RABGAP1L: variants seen among roughly 807,000 people sequenced by gnomAD.
RABGAP1L encodes the protein rab GTPase-activating protein 1-like.
A neutral mutation model predicts 137.7 loss-of-function variants in RABGAP1L; 63 were observed. The ratio of observed to expected loss-of-function variants is 0.46; its 90% confidence interval spans 0.37 to 0.56. RABGAP1L has a LOEUF of 0.56. Among genes scored for constraint, RABGAP1L ranks in the 20% least tolerant of loss-of-function variants. RABGAP1L has a pLI of 0.00. For synonymous variants in RABGAP1L, 431 were observed against 433.7 expected (o/e 0.99, Z 0.08); for missense variants, 1,095 against 1,244.0 (o/e 0.88, Z 1.80).
At chr1:174,217,833 G>A (rs1325521311) in intron 1 of RABGAP1L, among the ~76,000 whole-genome samples, 1 of 152,032 alleles carries the variant, frequency 6.6e-6, no homozygotes, top group Non-Finnish European at 1.5e-5. Flanking sequence ...CTTTTTAAAA[G>A]ATACACATGT....
chr1:174,503,595 A>T (rs1661528998), intron 13 of RABGAP1L, among the ~76,000 whole-genome samples: 1 of 140,430 alleles, frequency 7.1e-6, no homozygotes, highest in East Asian at 2.5e-4. Context: ...CGGGAGGCGG[A>T]GGTTGCTCTG....
chr1:174,452,559 T>TTTTGTTTG (rs3058900), intron 13 of RABGAP1L, among the ~76,000 whole-genome samples: 6 of 150,818 alleles, frequency 4.0e-5, no homozygotes, highest in Admixed American at 2.6e-4. Context: ...TTGTTTTGTT[T>TTTTGTTTG]TTTGTTTGTT....
At chr1:174,555,540 CA>C (rs141399978) in intron 13 of RABGAP1L, among the ~76,000 whole-genome samples, 9,045 of 151,358 alleles carry the variant, frequency 0.06, 952 homozygotes, top group African/African-American at 0.21. Context: ...GTCCCCCCCC[CA>C]AAAAAAATGT....
At chr1:174,471,181 CATACTT>C (rs1657894963) in intron 13 of RABGAP1L, among the ~76,000 whole-genome samples, 1 of 152,186 alleles carries the variant, frequency 6.6e-6, no homozygotes, top group African/African-American at 2.4e-5. Flanking sequence ...TGAGTTCAGT[CATACTT>C]ATTACTTACC....
At chr1:174,740,512 A>T (rs1043553317) in intron 17 of RABGAP1L, among the ~76,000 whole-genome samples, 2 of 152,004 alleles carry the variant, frequency 1.3e-5, no homozygotes, top group East Asian at 1.9e-4. Flanking sequence ...ATTACATACC[A>T]CTTCTTGAGT....
chr1:174,355,716 G>T (rs1376768805), intron 11 of RABGAP1L, among the ~76,000 whole-genome samples: 1 of 151,968 alleles, frequency 6.6e-6, no homozygotes, highest in African/African-American at 2.4e-5. Flanking sequence ...ATTTTTGACG[G>T]GTTTCAATGA....
intron 1 of RABGAP1L, among the ~76,000 whole-genome samples, chr1:174,167,538 A>G (rs1438728859): frequency 1.3e-5 from 2 of 152,202 alleles, no homozygotes; most frequent in East Asian, 1.9e-4. Flanking sequence ...AAGTAATGCA[A>G]ACCCAAAGGG....
At chr1:174,633,448 G>A (rs1017042334) in intron 13 of RABGAP1L, among the ~76,000 whole-genome samples, 2 of 151,312 alleles carry the variant, frequency 1.3e-5, no homozygotes, top group Non-Finnish European at 2.9e-5. Flanking sequence ...CGTGAAAATG[G>A]CCATACTGCC....
intron 11 of RABGAP1L, among the ~76,000 whole-genome samples, chr1:174,307,470 C>T (rs1368724053): frequency 6.6e-6 from 1 of 152,122 alleles, no homozygotes; most frequent in Non-Finnish European, 1.5e-5. Flanking sequence ...TCTCCCCTTT[C>T]CCTTCCCCCT....
chr1:174,394,429 T>G (rs1159480257), intron 13 of RABGAP1L, among the ~76,000 whole-genome samples: 2 of 152,184 alleles, frequency 1.3e-5, no homozygotes, highest in Non-Finnish European at 2.9e-5. Flanking sequence ...GTTTTCTAAC[T>G]TTTCAATTAA....
At chr1:174,810,634 A>C (rs1689776566) in intron 18 of RABGAP1L, among the ~76,000 whole-genome samples, 3 of 152,212 alleles carry the variant, frequency 2.0e-5, no homozygotes, top group Admixed American at 2.0e-4. Context: ...TTGACTATTA[A>C]GTACTGACTG....
At chr1:174,744,090 TAA>T (rs10694829) in intron 17 of RABGAP1L, among the ~76,000 whole-genome samples, 3,713 of 44,936 alleles carry the variant, frequency 0.083, 124 homozygotes, top group African/African-American at 0.21. Flanking sequence ...GTGAAATACG[TAA>T]AAAAAAAAAA....
chr1:174,822,974 T>C (rs1212267090), intron 19 of RABGAP1L, among the ~76,000 whole-genome samples: 1 of 152,190 alleles, frequency 6.6e-6, no homozygotes, highest in African/African-American at 2.4e-5. Flanking sequence ...TAAAAATTGA[T>C]TTATATTTGG....
intron 13 of RABGAP1L, among the ~76,000 whole-genome samples, chr1:174,424,599 CTA>C (rs1651735866): frequency 6.6e-6 from 1 of 151,996 alleles, no homozygotes; most frequent in African/African-American, 2.4e-5. Context: ...TGAAAAGGTG[CTA>C]GAAGAAGGTG....
chr1:174,178,844 CAAGGG>C (rs1202703955), intron 1 of RABGAP1L, among the ~76,000 whole-genome samples: 1 of 151,942 alleles, frequency 6.6e-6, no homozygotes, highest in Non-Finnish European at 1.5e-5. Flanking sequence ...GGTTGGGAGG[CAAGGG>C]AAGGGAGAGC....
At position 174,813,464 on chromosome 1, in the gene RABGAP1L, C is replaced by T. The variant is rs1386193337; in HGVS notation, c.2340+1504C>T. Among the ~76,000 whole-genome samples, 5 of 152,274 alleles carry T rather than the reference C, an allele frequency of 3.3e-5. No homozygotes were observed. In the East Asian group the frequency reaches 5.8e-4, roughly 18 times the overall value. On this transcript the variant is annotated intron_variant, in intron 19 of 25. Coordinates refer to ENST00000681986, the MANE Select transcript of RABGAP1L (RefSeq NM_001366446.1). ...TACTTTGACACAGACTTCTTTTAGGCACCAGAGCCACTGTAACATTTTTTG... is the reference window on the plus strand; with the variant it reads ...TACTTTGACACAGACTTCTTTTAGGTACCAGAGCCACTGTAACATTTTTTG...
chr1:174,268,268 C>T (rs767040258), intron 7 of RABGAP1L, among the ~76,000 whole-genome samples: 10 of 150,328 alleles, frequency 6.7e-5, no homozygotes, highest in African/African-American at 2.2e-4. Context: ...GGTGCAATCT[C>T]GGCTCACTGT....
chr1:174,355,550 A>T (rs1683559641), intron 11 of RABGAP1L, among the ~76,000 whole-genome samples: 1 of 151,924 alleles, frequency 6.6e-6, no homozygotes, highest in South Asian at 2.1e-4. Flanking sequence ...CCAACATGGC[A>T]CATGTATACA....
At chr1:174,259,950 T>G (rs1039903543) in intron 7 of RABGAP1L, among the ~76,000 whole-genome samples, 1 of 151,994 alleles carries the variant, frequency 6.6e-6, no homozygotes, top group East Asian at 1.9e-4. Flanking sequence ...TTCTTCTGCC[T>G]CAGCCTCCTG....
Sources: allele counts gnomAD v4.1 joint callset (sites outside exome capture counted in the v4.1 genomes callset), GRCh38; gene constraint gnomAD v4.1.1; transcripts MANE v1.5; gene names NCBI Gene and HGNC (gene_info 2026-07-23, HGNC 2026-07-21).